Variants in FARS2 observed in about 807,000 individuals in gnomAD.
The protein encoded by FARS2 is phenylalanine--tRNA ligase, mitochondrial.
In FARS2, 40 loss-of-function variants were observed where a neutral mutation model predicts 46.4. That is an observed-to-expected ratio of 0.86 (90% confidence interval 0.67 to 1.12). The LOEUF is 1.12. Among genes scored for constraint, FARS2 ranks in the 50% most tolerant of loss-of-function variants. The probability of loss-of-function intolerance (pLI) is 0.00; values close to 1 mark genes in which losing one functional copy is unlikely to be tolerated. For missense variants in FARS2, 513 were observed against 567.9 expected (o/e 0.90, Z 0.98); for synonymous variants, 234 against 214.9 (o/e 1.09, Z -0.78).
intron 4 of FARS2, among the ~76,000 whole-genome samples, chr6:5,484,246 A>G (rs2150348421): frequency 6.6e-6 from 1 of 152,376 alleles, no homozygotes; most frequent in South Asian, 2.1e-4. Flanking sequence ...TGAATTCATT[A>G]TGCTGTGAAG....
chr6:5,358,173 G>C (rs1296761268), intron 1 of FARS2, among the ~76,000 whole-genome samples: 1 of 152,096 alleles, frequency 6.6e-6, no homozygotes, highest in Non-Finnish European at 1.5e-5. Flanking sequence ...TTAATATGTG[G>C]TTTAGAGAGT....
chr6:5,496,822 G>A (rs544197660), intron 4 of FARS2, among the ~76,000 whole-genome samples: 12 of 152,138 alleles, frequency 7.9e-5, no homozygotes, highest in Admixed American at 2.0e-4. Flanking sequence ...TGAAGTTTTT[G>A]TTGTTGTTGT....
At chr6:5,267,024 T>C (rs780156610) in intron 1 of FARS2, among the ~76,000 whole-genome samples, 11 of 152,194 alleles carry the variant, frequency 7.2e-5, no homozygotes, top group South Asian at 2.1e-4. Context: ...AGCTATGATA[T>C]GTTGCAACTA....
chr6:5,659,411 C>G (rs1211003405), intron 6 of FARS2, among the ~76,000 whole-genome samples: 1 of 152,190 alleles, frequency 6.6e-6, no homozygotes, highest in Admixed American at 6.5e-5. Flanking sequence ...AAGGCCCTGC[C>G]ATCCCTTGAG....
At chr6:5,624,380 C>G (rs1311463533) in intron 6 of FARS2, among the ~76,000 whole-genome samples, 2 of 152,122 alleles carry the variant, frequency 1.3e-5, no homozygotes, top group Non-Finnish European at 2.9e-5. Context: ...CACCATTTGC[C>G]TAAAGATTCT....
intron 1 of FARS2, among the ~76,000 whole-genome samples, chr6:5,262,632 CT>C (rs932526260): frequency 6.6e-6 from 1 of 152,162 alleles, no homozygotes; most frequent in Admixed American, 6.5e-5. Context: ...CCTTACCATT[CT>C]TTAGTGTACT....
intron 4 of FARS2, among the ~76,000 whole-genome samples, chr6:5,479,188 T>C (rs981366185): frequency 6.6e-6 from 1 of 152,184 alleles, no homozygotes; most frequent in South Asian, 2.1e-4. Context: ...CTGTGTACGG[T>C]CTTTTCACTT....
chr6:5,543,392 T>TC lies in FARS2; in HGVS notation c.905-1787dup, dbSNP rs1770753339. Among the ~76,000 whole-genome samples the TC allele has an allele frequency of 9.4e-5, 14 of 149,304 alleles. No individual in the cohort carries two copies. In the South Asian group the frequency reaches 2.1e-3, roughly 23 times the overall value. ...GTTGGTGGTGGTTTTTTTTTTTTTT[T>TC]CTCACTCTGTGGACCAAGCTGGAGT... On this transcript the variant is annotated intron_variant, in intron 4 of 6. Transcript: ENST00000274680.
intron 4 of FARS2, chr6:5,457,847 T>C (rs1370299377): frequency 6.6e-6 from 1 of 152,198 alleles, no homozygotes; most frequent in Non-Finnish European, 1.5e-5. Context: ...AAGAGCATTG[T>C]AATATTAGAA....
At chr6:5,729,858 T>C (rs1241468295) in intron 6 of FARS2, among the ~76,000 whole-genome samples, 1 of 152,262 alleles carries the variant, frequency 6.6e-6, no homozygotes, top group Non-Finnish European at 1.5e-5. Context: ...TTGAAAACTC[T>C]ATGGACATTT....
intron 1 of FARS2, among the ~76,000 whole-genome samples, chr6:5,291,705 C>G (rs1289196238): frequency 1.3e-5 from 2 of 151,590 alleles, no homozygotes; most frequent in Non-Finnish European, 1.5e-5. Context: ...CTAAAGTGAG[C>G]TGTGATTGAG....
intron 2 of FARS2, among the ~76,000 whole-genome samples, chr6:5,394,232 C>T (rs1054053126): frequency 1.3e-5 from 2 of 152,156 alleles, no homozygotes; most frequent in Non-Finnish European, 2.9e-5. Context: ...GAGGTGAGCA[C>T]GAGCAGAAAA....
chr6:5,770,488 A>T (rs1762978276), intron 6 of FARS2, among the ~76,000 whole-genome samples: 1 of 152,140 alleles, frequency 6.6e-6, no homozygotes, highest in Non-Finnish European at 1.5e-5. Flanking sequence ...GAAGAAGAGA[A>T]ATGTGAGCAT....
intron 2 of FARS2, among the ~76,000 whole-genome samples, chr6:5,383,088 T>G (rs777526923): frequency 5.9e-5 from 9 of 152,210 alleles, no homozygotes; most frequent in Non-Finnish European, 1.2e-4. Flanking sequence ...ATGAAATATC[T>G]GGGCACCCTG....
chr6:5,703,404 A>G (rs1275067025), intron 6 of FARS2, among the ~76,000 whole-genome samples: 1 of 152,210 alleles, frequency 6.6e-6, no homozygotes, highest in Non-Finnish European at 1.5e-5. Flanking sequence ...TCTGTGGGCT[A>G]ACTAGTGGGT....
intron 2 of FARS2, among the ~76,000 whole-genome samples, chr6:5,399,174 T>TC (rs1761100095): frequency 5.9e-5 from 4 of 67,622 alleles, no homozygotes; most frequent in African/African-American, 1.6e-4. Flanking sequence ...TTATTATTAT[T>TC]ATCATCATCA....
At chr6:5,443,306 G>A (rs990902341) in intron 4 of FARS2, among the ~76,000 whole-genome samples, 1 of 152,178 alleles carries the variant, frequency 6.6e-6, no homozygotes, top group Non-Finnish European at 1.5e-5. Flanking sequence ...TGGCAAAGTT[G>A]GTATTGATGC....
intron 3 of FARS2, among the ~76,000 whole-genome samples, chr6:5,424,928 G>A (rs1481435123): frequency 2.0e-5 from 3 of 152,186 alleles, no homozygotes; most frequent in Admixed American, 6.5e-5. Flanking sequence ...ACGATTTCCC[G>A]TGGTTAGATT....
At chr6:5,347,173 C>G (rs572825200) in intron 1 of FARS2, among the ~76,000 whole-genome samples, 2 of 152,184 alleles carry the variant, frequency 1.3e-5, no homozygotes, top group African/African-American at 4.8e-5. Flanking sequence ...CTTGGCCCCC[C>G]GAAGTGTGGG....
Sources: gnomAD v4.1 joint callset for allele counts (sites outside exome capture counted in the v4.1 genomes callset) on GRCh38, gnomAD v4.1.1 for gene constraint, MANE v1.5 for transcripts, NCBI Gene and HGNC (gene_info 2026-07-23, HGNC 2026-07-21) for gene names.